ME3: variants seen among roughly 807,000 people sequenced by gnomAD.
The protein encoded by ME3 is NADP-dependent malic enzyme, mitochondrial.
In ME3, 48 loss-of-function variants were observed where a neutral mutation model predicts 68.9. That is an observed-to-expected ratio of 0.70 (90% confidence interval 0.55 to 0.89). The LOEUF (loss-of-function observed/expected upper bound fraction) is 0.89, where lower values mean the gene tolerates loss of function less well. ME3 is among the 40% of genes least tolerant of loss of function. ME3 has a pLI of 0.00. For synonymous variants in ME3, 320 were observed against 318.8 expected, an observed-to-expected ratio of 1.00 and a Z score of -0.04; for missense variants, 675 against 797.4, an observed-to-expected ratio of 0.85 and a Z score of 1.85.
intron 4 of ME3, among the ~76,000 whole-genome samples, chr11:86,539,987 G>A (rs1378147956): frequency 6.6e-6 from 1 of 152,182 alleles, no homozygotes; most frequent in Non-Finnish European, 1.5e-5. Flanking sequence ...CAAGCTGTAT[G>A]GTAAACGTAT....
chr11:86,571,899 A>T (rs1285401359), intron 2 of ME3, among the ~76,000 whole-genome samples: 1 of 152,198 alleles, frequency 6.6e-6, no homozygotes, highest in Non-Finnish European at 1.5e-5. Context: ...GGAGCTTGGG[A>T]TCCTCTTTCT....
chr11:86,599,920 G>C (rs1960293732), intron 2 of ME3, among the ~76,000 whole-genome samples: 1 of 152,052 alleles, frequency 6.6e-6, no homozygotes, highest in African/African-American at 2.4e-5. Context: ...TCACCACCAA[G>C]CCTGCCCTAA....
chr11:86,459,249 T>C (rs979888672), intron 8 of ME3, among the ~76,000 whole-genome samples: 2 of 152,154 alleles, frequency 1.3e-5, no homozygotes, highest in Admixed American at 1.3e-4. Context: ...ATAGGGAATA[T>C]GTGGGAAAGG....
At chr11:86,546,026 T>A (rs1956339811) in intron 4 of ME3, among the ~76,000 whole-genome samples, 1 of 152,040 alleles carries the variant, frequency 6.6e-6, no homozygotes, top group South Asian at 2.1e-4. Context: ...TACAACCATC[T>A]TGATCTTTGA....
intron 4 of ME3, among the ~76,000 whole-genome samples, chr11:86,550,707 G>T (rs1478768133): frequency 1.3e-5 from 2 of 152,100 alleles, no homozygotes; most frequent in East Asian, 3.9e-4. Context: ...TCCCAATTTT[G>T]CTGGGAGTAT....
intron 2 of ME3, among the ~76,000 whole-genome samples, chr11:86,663,664 C>T (rs1273584032): frequency 6.6e-6 from 1 of 152,128 alleles, no homozygotes; most frequent in African/African-American, 2.4e-5. Flanking sequence ...TTTTTCCCCC[C>T]TCTCACTATA....
chr11:86,501,377 C>A (rs1445970567), intron 5 of ME3, among the ~76,000 whole-genome samples: 1 of 152,070 alleles, frequency 6.6e-6, no homozygotes, highest in Non-Finnish European at 1.5e-5. Context: ...TCCAGTTTAT[C>A]ATTAACACAG....
intron 2 of ME3, among the ~76,000 whole-genome samples, chr11:86,660,147 A>G (rs954242753): frequency 1.3e-5 from 2 of 152,168 alleles, no homozygotes; most frequent in Non-Finnish European, 2.9e-5. Context: ...AATCATCACT[A>G]AAGTCTCCAC....
chr11:86,612,505 T>G (rs902631199), intron 2 of ME3, among the ~76,000 whole-genome samples: 3 of 152,236 alleles, frequency 2.0e-5, no homozygotes, highest in Non-Finnish European at 4.4e-5. Context: ...TCCACAATGG[T>G]TGAACTAATT....
At chr11:86,505,596 T>C (rs1432724701) in intron 5 of ME3, among the ~76,000 whole-genome samples, 2 of 152,230 alleles carry the variant, frequency 1.3e-5, no homozygotes, top group Non-Finnish European at 2.9e-5. Context: ...GCCCTGACTG[T>C]ACTGCGGTGT....
At chr11:86,569,705 G>A (rs564571331) in intron 2 of ME3, among the ~76,000 whole-genome samples, 3 of 152,154 alleles carry the variant, frequency 2.0e-5, no homozygotes, top group Non-Finnish European at 2.9e-5. Context: ...TACACTCATC[G>A]TGTCCTCTCA....
intron 8 of ME3, among the ~76,000 whole-genome samples, chr11:86,455,390 G>A (rs1377392270): frequency 6.6e-6 from 1 of 152,162 alleles, no homozygotes; most frequent in Non-Finnish European, 1.5e-5. Context: ...CAGGTACTGA[G>A]GATACCATGG....
intron 2 of ME3, among the ~76,000 whole-genome samples, chr11:86,645,389 A>T (rs1172162282): frequency 2.6e-5 from 4 of 152,066 alleles, no homozygotes; most frequent in Non-Finnish European, 5.9e-5. Flanking sequence ...AGGGGTGTCC[A>T]CCATTTCTGA....
chr11:86,577,983 C>T (rs999229043), intron 2 of ME3, among the ~76,000 whole-genome samples: 11 of 152,028 alleles, frequency 7.2e-5, no homozygotes, highest in South Asian at 4.1e-4. Context: ...TTAGTTTTTG[C>T]GAAGTTGTTG....
intron 2 of ME3, among the ~76,000 whole-genome samples, chr11:86,597,873 A>C (rs1271719720): frequency 1.3e-5 from 2 of 152,026 alleles, no homozygotes. Context: ...TCATATCTTA[A>C]ATGTATTTGA....
At chr11:86,554,845 T>C (rs894233722) in intron 4 of ME3, among the ~76,000 whole-genome samples, 1 of 152,252 alleles carries the variant, frequency 6.6e-6, no homozygotes, top group Non-Finnish European at 1.5e-5. Flanking sequence ...TCATGTTTCT[T>C]GACCCTTCAA....
intron 4 of ME3, among the ~76,000 whole-genome samples, chr11:86,534,068 T>G (rs893054531): frequency 2.2e-4 from 6 of 27,874 alleles, no homozygotes; most frequent in Admixed American, 1.6e-3. Context: ...AAAAATGAGG[T>G]GTGTGTGTGT....
intron 4 of ME3, among the ~76,000 whole-genome samples, chr11:86,546,537 T>C (rs1956368348): frequency 6.6e-6 from 1 of 152,142 alleles, no homozygotes; most frequent in African/African-American, 2.4e-5. Flanking sequence ...AAAGAAGACA[T>C]TAATGCCACC....
chr11:86,531,753 A>T (rs979086646), intron 4 of ME3, among the ~76,000 whole-genome samples: 1 of 148,270 alleles, frequency 6.7e-6, no homozygotes, highest in Non-Finnish European at 1.5e-5. Context: ...ACATGTTCTC[A>T]CTCATAGGTG....
Sources: allele counts gnomAD v4.1 joint callset (sites outside exome capture counted in the v4.1 genomes callset), GRCh38; gene constraint gnomAD v4.1.1; transcripts MANE v1.5; gene names NCBI Gene and HGNC (gene_info 2026-07-23, HGNC 2026-07-21).